The following GPRC5B variants were observed in gnomAD, a reference collection of about 807,000 sequenced individuals.
GPRC5B encodes G protein-coupled receptor class C group 5 member B.
A neutral mutation model predicts 30.1 loss-of-function variants in GPRC5B; 16 were observed. The observed-to-expected ratio is 0.53, with a 90% CI of 0.36 to 0.81. The LOEUF is 0.81. Among genes scored for constraint, GPRC5B ranks in the 30% least tolerant of loss-of-function variants. The pLI, the probability that GPRC5B is intolerant of heterozygous loss-of-function variation, is 0.01. For missense variants in GPRC5B, 428 were observed against 544.7 expected, an observed-to-expected ratio of 0.79 and a Z score of 2.13; for synonymous variants, 241 against 239.5, an observed-to-expected ratio of 1.01 and a Z score of -0.06.
chr16:19,866,627 G>T (rs1381665527), intron 2 of GPRC5B, among the ~76,000 whole-genome samples: 1 of 152,058 alleles, frequency 6.6e-6, no homozygotes, highest in Non-Finnish European at 1.5e-5. Context: ...CAATCTGCCC[G>T]CCTCGGCCTC....
rs145564426 is a variant in GPRC5B at position 19,859,047 on chromosome 16, G to A, written c.*1453C>T. The A allele has an allele frequency of 5.2e-5, 8 of 153,408 alleles. No individual in the cohort carries two copies. The East Asian group carries it at 9.6e-4, about 18-fold the overall frequency. The allele number at this position is 153,408 out of a possible 1,614,324, so 9.5% of individuals were successfully genotyped here. On this transcript the variant is annotated 3_prime_UTR_variant, in exon 4 of 4. Transcript: ENST00000300571. ...CTTATGAAGCGGTCAGTCCTCCCCCGGCCCCCAAACACTAACCTTTTTCAT... is the reference window on the plus strand; with the variant it reads ...CTTATGAAGCGGTCAGTCCTCCCCCAGCCCCCAAACACTAACCTTTTTCAT...
chr16:19,875,542 C>G (rs2056753978), intron 1 of GPRC5B, among the ~76,000 whole-genome samples: 1 of 152,182 alleles, frequency 6.6e-6, no homozygotes, highest in Non-Finnish European at 1.5e-5. Context: ...CTTTGGGAGG[C>G]TGAGGCAAGA....
intron 1 of GPRC5B, among the ~76,000 whole-genome samples, chr16:19,883,939 C>T (rs1020702625): frequency 1.3e-5 from 2 of 152,142 alleles, no homozygotes; most frequent in Non-Finnish European, 2.9e-5. Context: ...GCGCTAGGGA[C>T]CCCGGGATGT....
intron 2 of GPRC5B, among the ~76,000 whole-genome samples, chr16:19,871,297 A>AAAAAAAAAAG (rs1567209331): frequency 2.7e-5 from 4 of 150,402 alleles, no homozygotes; most frequent in East Asian, 1.9e-4. Context: ...AAAAAAAAAA[A>AAAAAAAAAAG]AAAGAAAGAA....
upstream of GPRC5B, chr16:19,885,064 C>T: frequency 1.4e-6 from 1 of 711,988 alleles, no homozygotes; most frequent in Non-Finnish European, 2.1e-6. The surrounding 1 kb of genome is among the most constrained non-coding windows in gnomAD (Gnocchi z 5.3). Flanking sequence ...ATCTCAGAGA[C>T]GATTCCCCCG....
At chr16:19,884,675 T>C in intron 1 of GPRC5B, 52 bp downstream of exon 1, 1 of 984,030 alleles carries the variant, frequency 1.0e-6, no homozygotes, top group Non-Finnish European at 1.2e-6. Flanking sequence ...GCGGGAAAAG[T>C]TTCTGGGGTC....
chr16:19,873,624 A>T (rs2056740103), intron 1 of GPRC5B, among the ~76,000 whole-genome samples: 1 of 152,184 alleles, frequency 6.6e-6, no homozygotes, highest in South Asian at 2.1e-4. Context: ...AATTGGACAC[A>T]TCCAGTCCTC....
chr16:19,861,905 G>A lies in GPRC5B; in HGVS notation c.1099C>T (p.Pro367Ser). The A allele has an allele frequency of 6.2e-7, 1 of 1,613,254 alleles. No individual in the cohort carries two copies. Among genetic ancestry groups the A allele is most frequent in the Non-Finnish European group, 8.5e-7 (1 of 1,179,348 alleles). The stretch of plus-strand genomic sequence containing the variant: ...ACGTTGCTTCTAAACGGAGCGCTGG[G>A]TCTTTTCCCCAAGCTGCCACTGGGT... The part of the protein sequence containing the change: ...KRPSGSLGKR[P>S]SAPFRSNVYQ... Residue 367 changes from proline (P) to serine (S), a missense_variant, in exon 3 of 4, where the codon CCC (proline) becomes TCC (serine). By Grantham distance (74) the Pro-to-Ser change is moderately conservative. This residue lies in a region of GPRC5B where 213 missense variants were observed against 229.1 expected (regional missense o/e 0.93). Coordinates refer to ENST00000300571, the MANE Select transcript of GPRC5B (RefSeq NM_016235.3).
At chr16:19,885,373 G>C, upstream of GPRC5B, 2 of 1,187,630 alleles carry the variant, frequency 1.7e-6, no homozygotes, top group Non-Finnish European at 2.1e-6. The surrounding 1 kb of genome is among the most constrained non-coding windows in gnomAD (Gnocchi z 5.3). Context: ...CAACGCCCCG[G>C]TATACACCTA....
At chr16:19,865,621 T>G (rs2056659403) in intron 2 of GPRC5B, among the ~76,000 whole-genome samples, 1 of 152,174 alleles carries the variant, frequency 6.6e-6, no homozygotes, top group Non-Finnish European at 1.5e-5. Flanking sequence ...TAACCCACAT[T>G]TAGAAAAATT....
chr16:19,865,312 G>C (rs565771958), intron 2 of GPRC5B, among the ~76,000 whole-genome samples: 1 of 152,238 alleles, frequency 6.6e-6, no homozygotes, highest in South Asian at 2.1e-4. Context: ...GAGAGATGGG[G>C]CTTCGATGCG....
At chr16:19,861,076 C>T (rs2141137108) in intron 3 of GPRC5B, among the ~76,000 whole-genome samples, 1 of 70,832 alleles carries the variant, frequency 1.4e-5, no homozygotes, top group Admixed American at 1.6e-4. Flanking sequence ...AAAGACCATC[C>T]CTGATTTACA....
At chr16:19,883,484 G>A (rs1465056746) in intron 1 of GPRC5B, among the ~76,000 whole-genome samples, 1 of 152,246 alleles carries the variant, frequency 6.6e-6, no homozygotes, top group Admixed American at 6.5e-5. Context: ...TCCTCCGCAA[G>A]CCCGAGTCCC....
chr16:19,883,821 G>A (rs2056827424), intron 1 of GPRC5B, among the ~76,000 whole-genome samples: 1 of 152,232 alleles, frequency 6.6e-6, no homozygotes, highest in African/African-American at 2.4e-5. Flanking sequence ...CCGCTGCACG[G>A]GGGAGATTTC....
intron 1 of GPRC5B, among the ~76,000 whole-genome samples, chr16:19,873,475 A>AG (rs1399875803): frequency 6.6e-6 from 1 of 151,972 alleles, no homozygotes; most frequent in African/African-American, 2.4e-5. Flanking sequence ...AAAAAAAAAA[A>AG]AAAAAACCAA....
intron 3 of GPRC5B, 84 bp downstream of exon 3, chr16:19,861,753 G>T: frequency 8.5e-7 from 1 of 1,170,188 alleles, no homozygotes. Context: ...CAGCCTCCAT[G>T]GAGGAGTATG....
At chr16:19,860,658 T>TG (rs1477243606) in intron 3 of GPRC5B, 114 bp from the exon 4 acceptor site, 9 of 670,500 alleles carry the variant, frequency 1.3e-5, no homozygotes, top group Non-Finnish European at 2.4e-5. Flanking sequence ...TTTACCTAGA[T>TG]GGGTCGAATA....
At chr16:19,873,031 ACCCTTGGCTG>A (rs2056735717) in intron 1 of GPRC5B, among the ~76,000 whole-genome samples, 185 bp from the exon 2 acceptor site, 1 of 152,054 alleles carries the variant, frequency 6.6e-6, no homozygotes, top group Non-Finnish European at 1.5e-5. Context: ...ACCCATCTGT[ACCCTTGGCTG>A]GGTGCAGTGA....
intron 1 of GPRC5B, among the ~76,000 whole-genome samples, chr16:19,877,965 G>A (rs556383012): frequency 6.6e-5 from 10 of 151,982 alleles, no homozygotes; most frequent in East Asian, 2.0e-4. Context: ...CTGGGAGGCC[G>A]AGGCAGGCAG....
Sources: gnomAD v4.1 joint callset for allele counts (sites outside exome capture counted in the v4.1 genomes callset) on GRCh38, gnomAD v4.1.1 for gene constraint, gnomAD v4.1.1 regional missense constraint, Gnocchi (gnomAD v3.1) non-coding constraint, MANE v1.5 for transcripts, NCBI Gene and HGNC (gene_info 2026-07-23, HGNC 2026-07-21) for gene names.